USP6NL: variants seen among roughly 807,000 people sequenced by gnomAD.
The protein encoded by USP6NL is USP6 N-terminal like, also known as USP6 N-terminal-like protein.
A neutral mutation model predicts 61.9 loss-of-function variants in USP6NL; 26 were observed. The ratio of observed to expected loss-of-function variants is 0.42; its 90% CI spans 0.31 to 0.58. USP6NL has a LOEUF of 0.58. USP6NL is among the 20% of genes least tolerant of loss of function. The probability of loss-of-function intolerance (pLI) is 0.16; values close to 1 mark genes in which losing one functional copy is unlikely to be tolerated. For missense variants in USP6NL, 1,114 were observed against 1,034.3 expected, an observed-to-expected ratio of 1.08 and a Z score of -1.06; for synonymous variants, 432 against 390.1, an observed-to-expected ratio of 1.11 and a Z score of -1.27.
chr10:11,580,948 C>T (rs1837742254), intron 2 of USP6NL, among the ~76,000 whole-genome samples: 1 of 151,650 alleles, frequency 6.6e-6, no homozygotes, highest in Non-Finnish European at 1.5e-5. Flanking sequence ...TCTTGTTTGG[C>T]CCTAAATATA....
At chr10:11,522,476 C>G (rs1835250859) in intron 4 of USP6NL, among the ~76,000 whole-genome samples, 1 of 152,182 alleles carries the variant, frequency 6.6e-6, no homozygotes, top group Non-Finnish European at 1.5e-5. Flanking sequence ...GTAACAATGT[C>G]TGGAGAAAAT....
At position 11,465,429 on chromosome 10, in the gene USP6NL, C is replaced by CT. The variant is rs756153665; in HGVS notation, c.1079-1581_1079-1580insA. On this transcript the variant is annotated intron_variant, in intron 14 of 14. Transcript: ENST00000609104. The surrounding 1 kb of genome is among the most constrained non-coding windows in gnomAD (Gnocchi z 4.5). ...AAACTGGATTCGCTGCAGAGACTGT[C>CT]ACACTGAGCCCTGGAAGCTGCCTCA... Among the ~76,000 whole-genome samples the CT allele has an allele frequency of 4.9e-4, 75 of 152,342 alleles. No individual in the cohort carries two copies. Among genetic ancestry groups the CT allele is most frequent in the Non-Finnish European group, 9.6e-4 (65 of 68,024 alleles).
rs1220700787 is a variant in USP6NL, at chr10:11,598,318, T to C, written c.-83-601A>G. 6.6e-6 allele frequency among the ~76,000 whole-genome samples: 1 copy of C among 151,988 alleles called. No individual in the cohort carries two copies. Among genetic ancestry groups the C allele is most frequent in the Non-Finnish European group, 1.5e-5 (1 of 67,986 alleles). The stretch of plus-strand genomic sequence containing the variant: ...TTGGGACATATTTCCTTTCAAGCCA[T>C]TTTTTTTCTAAGTATTTTAAAAATA... On this transcript the variant is annotated intron_variant, in intron 1 of 14. Coordinates refer to ENST00000609104, the MANE Select transcript of USP6NL (RefSeq NM_014688.5). The surrounding 1 kb of genome is among the most constrained non-coding windows in gnomAD (Gnocchi z 4.7).
rs1019552551 is a variant in USP6NL at position 11,553,018 on chromosome 10, A to G, written c.5-25451T>C. On this transcript the variant is annotated intron_variant, in intron 2 of 14. Transcript: ENST00000609104. The surrounding 1 kb of genome is among the most constrained non-coding windows in gnomAD (Gnocchi z 4.8). ...GTCTCCAATGTGTGTTCCTCTCTCT[A>G]TGACTATGTGTACCCATTGTTTCGC... is the stretch of plus-strand genomic sequence containing the variant. Among the ~76,000 whole-genome samples, 6 of 152,112 alleles carry G rather than the reference A, an allele frequency of 3.9e-5. No homozygotes were observed. Among genetic ancestry groups the G allele is most frequent in the Admixed American group, 1.3e-4 (2 of 15,274 alleles).
At chr10:11,582,228 A>C (rs1221481968) in intron 2 of USP6NL, among the ~76,000 whole-genome samples, 1 of 152,230 alleles carries the variant, frequency 6.6e-6, no homozygotes, top group Non-Finnish European at 1.5e-5. Flanking sequence ...GGCCTCCCAA[A>C]GTGCTGGGAT....
Position 11,561,997 on chromosome 10 carries a change from T to TA in USP6NL, c.5-34431dup, listed in dbSNP as rs889527619. Among the ~76,000 whole-genome samples the TA allele has an allele frequency of 8.6e-5, 13 of 151,792 alleles. No individual in the cohort carries two copies. Among genetic ancestry groups the TA allele is most frequent in the African/African-American group, 2.7e-4 (11 of 41,350 alleles). On this transcript the variant is annotated intron_variant, in intron 2 of 14. Transcript: ENST00000609104. The surrounding 1 kb of genome is among the most constrained non-coding windows in gnomAD (Gnocchi z 4.1). ...TCTTTTTAAGCAAGGATGTTCTGAG[T>TA]AAAAAAAAGAAATTTGCTCATGCCT... is the stretch of plus-strand genomic sequence containing the variant.
At position 11,495,833 on chromosome 10, in the gene USP6NL, G is replaced by GT. The variant is rs1833900189; in HGVS notation, c.385-2606dup. Among the ~76,000 whole-genome samples the GT allele has an allele frequency of 6.6e-6, 1 of 152,074 alleles. No homozygotes were observed. The highest frequency in any genetic ancestry group is 2.1e-4 in the South Asian group (1 of 4,822). ...TTCTTCAAATGAACAGCAAAACTTC[G>GT]TTTTCTGCTTTTGTTTAAAAGTGGG... On this transcript the variant is annotated intron_variant, in intron 7 of 14. Coordinates refer to ENST00000609104, the MANE Select transcript of USP6NL (RefSeq NM_014688.5). This position sits in a 1 kb window ranked among gnomAD's most constrained non-coding sequence, Gnocchi z 4.6.
chr10:11,581,131 TATA>T (rs199705473), intron 2 of USP6NL, among the ~76,000 whole-genome samples: 1,593 of 152,260 alleles, frequency 0.01, 31 homozygotes, highest in African/African-American at 0.034. Flanking sequence ...TTCTTATTAT[TATA>T]ATAATAATGA....
At chr10:11,517,586 C>T (rs150642971) in intron 5 of USP6NL, among the ~76,000 whole-genome samples, 1 of 152,116 alleles carries the variant, frequency 6.6e-6, no homozygotes, top group Non-Finnish European at 1.5e-5. Context: ...TTGCTGAAAC[C>T]TCTAGGTTAT....
chr10:11,599,730 T>C (rs1838450218), intron 1 of USP6NL, among the ~76,000 whole-genome samples: 1 of 147,136 alleles, frequency 6.8e-6, no homozygotes, highest in South Asian at 2.1e-4. Flanking sequence ...CCAACCTACT[T>C]TTTTTTTTTT....
intron 4 of USP6NL, among the ~76,000 whole-genome samples, chr10:11,521,055 G>T (rs1591881102): frequency 6.6e-6 from 1 of 152,116 alleles, no homozygotes; most frequent in African/African-American, 2.4e-5. Flanking sequence ...CTTAAACTTT[G>T]AAAGTATTAC....
intron 6 of USP6NL, among the ~76,000 whole-genome samples, chr10:11,505,814 C>G (rs949382515): frequency 1.9e-4 from 29 of 152,192 alleles, no homozygotes; most frequent in Admixed American, 1.8e-3. Flanking sequence ...GCAAGCCTGG[C>G]TGAGTTTTGT....
rs1035173801 is a variant in USP6NL, at chr10:11,562,217, G to A, written c.5-34650C>T. Among the ~76,000 whole-genome samples, 3 of 148,528 alleles carry A rather than the reference G, an allele frequency of 2.0e-5. No homozygotes were observed. Among genetic ancestry groups the A allele is most frequent in the Admixed American group, 6.7e-5 (1 of 14,836 alleles). On this transcript the variant is annotated intron_variant, in intron 2 of 14. Transcript: ENST00000609104. This position sits in a 1 kb window ranked among gnomAD's most constrained non-coding sequence, Gnocchi z 4.8. ...GCGGAGGTTGCAGTGAGCCGAGATC[G>A]CACCACTGCACGCCAGCCTGGCGGA...
intron 7 of USP6NL, 149 bp downstream of exon 7, chr10:11,500,952 A>G (rs10905964): frequency 0.086 from 47,495 of 553,402 alleles, 2,489 homozygotes; most frequent in South Asian, 0.19. Flanking sequence ...TGCAATCAAG[A>G]AAACAAATAG....
At position 11,525,061 on chromosome 10, in the gene USP6NL, G is replaced by A. The variant is rs1462959681; in HGVS notation, c.155+325C>T. ...GAATTGCTATTTATTTTTAAAATGC[G>A]CTGGTACAGAATGAAATGTTTTATA... On this transcript the variant is annotated intron_variant, in intron 4 of 14. Coordinates refer to ENST00000609104, the MANE Select transcript of USP6NL (RefSeq NM_014688.5). The surrounding 1 kb of genome is among the most constrained non-coding windows in gnomAD (Gnocchi z 5.0). Among the ~76,000 whole-genome samples the A allele has an allele frequency of 3.3e-5, 5 of 152,054 alleles. No individual in the cohort carries two copies. The highest frequency in any genetic ancestry group is 6.6e-5 in the Admixed American group (1 of 15,258).
At chr10:11,469,419 G>T (rs1832631274) in intron 14 of USP6NL, among the ~76,000 whole-genome samples, 2 of 152,166 alleles carry the variant, frequency 1.3e-5, no homozygotes, top group Non-Finnish European at 2.9e-5. Flanking sequence ...GATCCATATT[G>T]CTAAGAAATT....
rs556130722 is a variant in USP6NL, at chr10:11,462,620, C to T, written c.2308G>A (p.Ala770Thr). 18 of 1,613,798 alleles carry T rather than the reference C, an allele frequency of 1.1e-5. No homozygotes were observed. Among genetic ancestry groups the T allele is most frequent in the Non-Finnish European group, 1.4e-5 (16 of 1,179,900 alleles). ...GGGAGGCCATGGTCCTGAAAGGGTG[C>T]GAGTTGAAAGGCTGAGTATTTTGGT... ...NLPKYSAFQL[A>T]PFQDHGLPAV... Residue 770 changes from alanine to threonine, a missense_variant, in exon 15 of 15, where the codon GCA becomes ACA. Transcript: ENST00000609104.
rs747418074 is a variant in USP6NL, at chr10:11,463,681, G to T, written c.1247C>A (p.Pro416Gln). 6.2e-7 allele frequency: 1 copy of T among 1,613,730 alleles called. No individual in the cohort carries two copies. Among genetic ancestry groups the T allele is most frequent in the South Asian group, 1.1e-5 (1 of 91,068 alleles). The change falls in exon 15 of 15, where the codon CCG (proline) becomes CAG (glutamine). Residue 416 changes from proline (P) to glutamine (Q), a missense_variant. Coordinates refer to ENST00000609104, the MANE Select transcript of USP6NL (RefSeq NM_014688.5). This position sits in a 1 kb window ranked among gnomAD's most constrained non-coding sequence, Gnocchi z 6.3. ...GAPHRRHEHS[P>Q]HPQSRTGTPE... is the part of the protein sequence containing the mutation. Reference sequence around the variant, plus strand: ...CGTCCCGGTCCTGCTCTGGGGGTGCGGGGAGTGCTCGTGCCTCCTGTGGGG... The same window carrying T: ...CGTCCCGGTCCTGCTCTGGGGGTGCTGGGAGTGCTCGTGCCTCCTGTGGGG...
In USP6NL at chr10:11,598,929, C is replaced by T. The variant is rs554302913; in HGVS notation, c.-83-1212G>A. ...ATGGCATAGAATCACAGTGCTGCCA[C>T]GTAATACCCTGACCCCCAACCCACA... On this transcript the variant is annotated intron_variant, in intron 1 of 14. Coordinates refer to ENST00000609104, the MANE Select transcript of USP6NL (RefSeq NM_014688.5). This position sits in a 1 kb window ranked among gnomAD's most constrained non-coding sequence, Gnocchi z 4.7. 6.6e-6 allele frequency among the ~76,000 whole-genome samples: 1 copy of T among 152,224 alleles called. No individual in the cohort carries two copies. Among genetic ancestry groups the T allele is most frequent in the Non-Finnish European group, 1.5e-5 (1 of 68,048 alleles).
Sources: gnomAD v4.1 joint callset for allele counts (sites outside exome capture counted in the v4.1 genomes callset) on GRCh38, gnomAD v4.1.1 for gene constraint, Gnocchi (gnomAD v3.1) non-coding constraint, MANE v1.5 for transcripts, NCBI Gene and HGNC (gene_info 2026-07-23, HGNC 2026-07-21) for gene names.